Variants in WIPI1 observed in about 807,000 individuals in gnomAD.
WIPI1 encodes WD repeat domain, phosphoinositide interacting 1.
A neutral mutation model predicts 55.3 loss-of-function variants in WIPI1; 45 were observed. That is an observed-to-expected ratio of 0.81 (90% confidence interval 0.64 to 1.04). WIPI1 has a LOEUF of 1.04. Among genes scored for constraint, WIPI1 ranks in the 50% least tolerant of loss-of-function variants. The pLI is 0.00. For missense variants in WIPI1, 445 were observed against 559.0 expected, an observed-to-expected ratio of 0.80 and a Z score of 2.06; for synonymous variants, 195 against 217.6, an observed-to-expected ratio of 0.90 and a Z score of 0.92.
At chr17:68,421,922 G>A in intron 12 of WIPI1, 102 bp from the exon 13 acceptor site, 1 of 1,477,214 alleles carries the variant, frequency 6.8e-7, no homozygotes, top group South Asian at 1.1e-5. Context: ...AGCAGGGAGA[G>A]GCTGGGCACT....
At chr17:68,429,044 G>T (rs2083388240) in intron 9 of WIPI1, 108 bp from the exon 10 acceptor site, 1 of 804,844 alleles carries the variant, frequency 1.2e-6, no homozygotes, top group African/African-American at 1.7e-5. Context: ...TTCTGCCTTT[G>T]ACAAACCCTT....
intron 3 of WIPI1, among the ~76,000 whole-genome samples, 177 bp from the exon 4 acceptor site, chr17:68,444,766 C>T (rs183092445): frequency 6.6e-6 from 1 of 152,256 alleles, no homozygotes; most frequent in Admixed American, 6.5e-5. Context: ...TGTAATCATC[C>T]ACCTGAACAC....
intron 6 of WIPI1, among the ~76,000 whole-genome samples, chr17:68,435,251 C>A (rs1246587013): frequency 6.6e-6 from 1 of 151,430 alleles, no homozygotes; most frequent in East Asian, 1.9e-4. Flanking sequence ...TCTGATTATT[C>A]CAGGCAGAAG....
At chr17:68,427,310 A>G in intron 10 of WIPI1, 57 bp from the exon 11 acceptor site, 2 of 1,315,010 alleles carry the variant, frequency 1.5e-6, no homozygotes, top group Non-Finnish European at 2.2e-6. Flanking sequence ...TATATCTAGG[A>G]CACCTTCCAA....
intron 4 of WIPI1, among the ~76,000 whole-genome samples, chr17:68,444,089 G>A (rs2084187561): frequency 6.6e-6 from 1 of 152,124 alleles, no homozygotes; most frequent in Non-Finnish European, 1.5e-5. Context: ...TCTTTTTGCT[G>A]GCCATGCAGA....
intron 4 of WIPI1, among the ~76,000 whole-genome samples, chr17:68,437,005 A>AAAAATATATAT (rs10629905): frequency 3.7e-5 from 4 of 107,264 alleles, no homozygotes; most frequent in South Asian, 5.6e-4. Flanking sequence ...AAAAAAAAAA[A>AAAAATATATAT]ATATATATAT....
rs535404249 is a variant in WIPI1 at position 68,452,839 on chromosome 17, C to T, written c.163+71G>A. ...GGAAAAATAGGCAGCTTGGTAGCAC[C>T]GCAGATTAAAGCCTAGAAGGAGGCT... On this transcript the variant is annotated intron_variant, in intron 2 of 12. Coordinates refer to ENST00000262139, the MANE Select transcript of WIPI1 (RefSeq NM_017983.7). The T allele has an allele frequency of 4.1e-4, 577 of 1,412,236 alleles. 6 individuals carry two copies. The South Asian group carries it at 6.1e-3, about 15-fold the overall frequency. 87.5% of individuals were successfully genotyped at this position (1,412,236 alleles called of 1,614,324 possible).
intron 2 of WIPI1, among the ~76,000 whole-genome samples, chr17:68,451,113 C>T (rs991655169): frequency 5.3e-5 from 8 of 152,352 alleles, no homozygotes; most frequent in African/African-American, 1.9e-4. Context: ...CTTTCAGAGT[C>T]CTTTCCAAAT....
rs1302026305 is a variant in WIPI1 at position 68,421,508 on chromosome 17, A to G, written c.*265T>C. ...AATATAAAATTCCGGTTATATACCA[A>G]TATGGTTAATTAGCATTTACACTAT... On this transcript the variant is annotated 3_prime_UTR_variant, in exon 13 of 13. Transcript: ENST00000262139. The G allele has an allele frequency of 8.2e-6, 4 of 490,016 alleles. No homozygotes were observed. The East Asian group carries it at 9.8e-5, about 12-fold the overall frequency. The allele number at this position is 490,016 out of a possible 1,614,324, so 30.4% of individuals were successfully genotyped here. A position where few individuals can be genotyped will look rare whatever the true frequency, so the allele number is the denominator to read the frequency against.
At chr17:68,447,712 G>T (rs113566058) in intron 3 of WIPI1, among the ~76,000 whole-genome samples, 2,464 of 152,196 alleles carry the variant, frequency 0.016, 59 homozygotes, top group African/African-American at 0.056. Flanking sequence ...GGGATTTGGG[G>T]CCAGGTGCGG....
rs1397110340 is a variant in WIPI1 at position 68,426,253 on chromosome 17, G to GGA, written c.1193-79_1193-78insTC. The GGA allele has an allele frequency of 1.7e-5, 14 of 840,896 alleles. No individual in the cohort carries two copies. In the African/African-American group the frequency reaches 2.0e-4, roughly 12 times the overall value. 52.1% of individuals were successfully genotyped at this position (840,896 alleles called of 1,614,324 possible). A position where few individuals can be genotyped will look rare whatever the true frequency, so the allele number is the denominator to read the frequency against. On this transcript the variant is annotated intron_variant, in intron 11 of 12. Transcript: ENST00000262139. ...CATGACCTGGCGGGTGGGGAGCGGG[G>GGA]GCTCAAATAAAGGGCAAAGGAAGCA...
chr17:68,441,502 A>G (rs1268995424), intron 4 of WIPI1, among the ~76,000 whole-genome samples: 1 of 152,238 alleles, frequency 6.6e-6, no homozygotes, highest in Non-Finnish European at 1.5e-5. Context: ...TCAGAAAATA[A>G]ACTAGAGGAT....
chr17:68,449,061 A>G (rs1174351616), intron 3 of WIPI1, among the ~76,000 whole-genome samples: 1 of 152,230 alleles, frequency 6.6e-6, no homozygotes, highest in Non-Finnish European at 1.5e-5. Flanking sequence ...ATAAATTTAA[A>G]AAGCATTTAT....
intron 8 of WIPI1, among the ~76,000 whole-genome samples, chr17:68,432,703 C>T (rs2083584234): frequency 6.6e-6 from 1 of 152,140 alleles, no homozygotes; most frequent in Non-Finnish European, 1.5e-5. Context: ...CCAAGGGTAC[C>T]AGCAACCAAC....
chr17:68,438,283 G>C (rs1480160477), intron 4 of WIPI1, among the ~76,000 whole-genome samples: 1 of 152,116 alleles, frequency 6.6e-6, no homozygotes, highest in Non-Finnish European at 1.5e-5. Flanking sequence ...GGTCATTCCT[G>C]GCCCCAGCCT....
intron 12 of WIPI1, among the ~76,000 whole-genome samples, chr17:68,425,019 C>G (rs1405266808): frequency 6.6e-6 from 1 of 152,218 alleles, no homozygotes; most frequent in African/African-American, 2.4e-5. Flanking sequence ...AAGGAAGCCC[C>G]AGCAGGCTCT....
chr17:68,430,220 A>C, intron 8 of WIPI1, 60 bp from the exon 9 acceptor site: 1 of 1,533,984 alleles, frequency 6.5e-7, no homozygotes, highest in Non-Finnish European at 8.8e-7. Flanking sequence ...CGCACCCAGG[A>C]ATCTCCACAC....
At chr17:68,437,488 A>C (rs758066070) in intron 4 of WIPI1, among the ~76,000 whole-genome samples, 2 of 151,572 alleles carry the variant, frequency 1.3e-5, no homozygotes, top group African/African-American at 2.4e-5. Context: ...CTGGAGGTGG[A>C]GGCTGCAGTG....
At chr17:68,450,065 C>T (rs746988360) in intron 3 of WIPI1, among the ~76,000 whole-genome samples, 6 of 152,172 alleles carry the variant, frequency 3.9e-5, no homozygotes, top group Non-Finnish European at 8.8e-5. Flanking sequence ...AGGAAATCTG[C>T]TAACACCCCC....
Sources: gnomAD v4.1 joint callset for allele counts (sites outside exome capture counted in the v4.1 genomes callset) on GRCh38, gnomAD v4.1.1 for gene constraint, MANE v1.5 for transcripts, NCBI Gene and HGNC (gene_info 2026-07-23, HGNC 2026-07-21) for gene names.